Variants in ATP23 observed in about 807,000 individuals in gnomAD.
ATP23 encodes the protein ATP23 metallopeptidase and ATP synthase assembly factor homolog.
ATP23 carries 24 observed loss-of-function variants against 28.5 expected under a neutral mutation model. The ratio of observed to expected loss-of-function variants is 0.84; its 90% CI spans 0.61 to 1.18. The LOEUF (loss-of-function observed/expected upper bound fraction) is 1.18, where lower values mean the gene tolerates loss of function less well. ATP23 is among the 50% of genes most tolerant of loss of function. ATP23 has a pLI of 0.00. For synonymous variants in ATP23, 99 were observed against 108.6 expected (o/e 0.91, Z 0.55); for missense variants, 274 against 306.4 (o/e 0.89, Z 0.79).
chr12:57,945,907 C>T lies in ATP23; in HGVS notation c.233+234C>T, dbSNP rs569896491. ...GGGGATAGAGTCTCGCTCTTGTTGTCCAGGTGGGAGTGCGTTGGTGCTGTC... is the reference window on the plus strand; with the variant it reads ...GGGGATAGAGTCTCGCTCTTGTTGTTCAGGTGGGAGTGCGTTGGTGCTGTC... On this transcript the variant is annotated intron_variant, in intron 2 of 5. Transcript: ENST00000300145. 2.7e-5 allele frequency among the ~76,000 whole-genome samples: 4 copies of T among 147,798 alleles called. No homozygotes were observed. The South Asian group carries it at 8.6e-4, about 32-fold the overall frequency.
chr12:57,944,857 TA>T (rs1956744446), intron 1 of ATP23, among the ~76,000 whole-genome samples: 1 of 152,210 alleles, frequency 6.6e-6, no homozygotes, highest in Admixed American at 6.5e-5. Context: ...TGTAGTACCC[TA>T]GTCACCATCC....
intron 3 of ATP23, among the ~76,000 whole-genome samples, chr12:57,949,461 A>G (rs1182004275): frequency 6.6e-6 from 1 of 152,052 alleles, no homozygotes; most frequent in African/African-American, 2.4e-5. Flanking sequence ...CTACTTGAGC[A>G]TCTTTTTATT....
intron 1 of ATP23, among the ~76,000 whole-genome samples, chr12:57,944,949 T>C (rs961078482): frequency 2.0e-5 from 3 of 152,212 alleles, no homozygotes; most frequent in Non-Finnish European, 4.4e-5. Flanking sequence ...CGGTATGATC[T>C]GATCAGGACA....
chr12:57,953,671 A>G lies in ATP23; in HGVS notation c.519A>G (p.Gly173=), dbSNP rs752244909. The change falls in exon 5 of 6, where the codon GGA becomes GGG. Residue 173 remains glycine (G), a synonymous_variant. Coordinates refer to ENST00000300145, the MANE Select transcript of ATP23 (RefSeq NM_033276.4). ...LVNEIFRLHF[G]LKQHHQTCVR... Reference sequence around the variant, plus strand: ...ATGAAATATTCAGGTTACATTTTGGATTAAAACAACACCACCAGGTAAAAA... The same window carrying G: ...ATGAAATATTCAGGTTACATTTTGGGTTAAAACAACACCACCAGGTAAAAA... 2.7e-5 allele frequency: 44 copies of G among 1,613,996 alleles called. No homozygotes were observed. In the South Asian group the frequency reaches 4.4e-4, roughly 16 times the overall value.
At position 57,941,573 on chromosome 12, in the gene ATP23, G is replaced by C. The variant is rs1319454802; in HGVS notation, c.-129G>C. 2.3e-6 allele frequency: 3 copies of C among 1,299,434 alleles called. No homozygotes were observed. The highest frequency in any genetic ancestry group is 3.1e-6 in the Non-Finnish European group (3 of 978,278). 80.5% of individuals were successfully genotyped at this position (1,299,434 alleles called of 1,614,324 possible). On this transcript the variant is annotated 5_prime_UTR_variant, in exon 1 of 6. Coordinates refer to ENST00000300145, the MANE Select transcript of ATP23 (RefSeq NM_033276.4). The stretch of plus-strand genomic sequence containing the variant: ...CCTCCCGCCTAACGTCTTCAGCCCA[G>C]CCAGGCTGCCCTTCTTCCCTGCGGA...
Position 57,957,024 on chromosome 12 carries a change from C to T in ATP23, c.*134C>T. ...AAAACAGAGAAGACTGTGATTCTAG[C>T]ATATTATCAGAAAAAGTAACTATGG... On this transcript the variant is annotated 3_prime_UTR_variant, in exon 6 of 6. Transcript: ENST00000300145. The T allele has an allele frequency of 5.9e-6, 4 of 680,340 alleles. No individual in the cohort carries two copies. The highest frequency in any genetic ancestry group is 8.6e-6 in the Non-Finnish European group (4 of 467,602). 42.1% of individuals were successfully genotyped at this position (680,340 alleles called of 1,614,324 possible). A position where few individuals can be genotyped will look rare whatever the true frequency, so the allele number is the denominator to read the frequency against.
intron 1 of ATP23, 82 bp downstream of exon 1, chr12:57,941,970 G>T: frequency 6.5e-7 from 1 of 1,528,554 alleles, no homozygotes; most frequent in South Asian, 1.2e-5. Context: ...GGCAACACCT[G>T]GCCAGGGGCT....
At chr12:57,945,318 T>C (rs1484924632) in intron 1 of ATP23, among the ~76,000 whole-genome samples, 6 of 152,174 alleles carry the variant, frequency 3.9e-5, no homozygotes, top group African/African-American at 1.4e-4. Flanking sequence ...CTGTAATGTC[T>C]GTCTCCTGGG....
chr12:57,946,446 ATTTTT>A (rs369316315), intron 2 of ATP23, among the ~76,000 whole-genome samples: 1 of 104,032 alleles, frequency 9.6e-6, no homozygotes, highest in Admixed American at 1.0e-4. Flanking sequence ...AGTTGAACAA[ATTTTT>A]TTTTTTTTTT....
chr12:57,947,153 G>A (rs542236638), intron 3 of ATP23, 77 bp downstream of exon 3: 27 of 1,364,480 alleles, frequency 2.0e-5, no homozygotes, highest in East Asian at 1.2e-4. Context: ...CCACATGCTC[G>A]GCATTCTGTT....
At chr12:57,943,282 C>T (rs907941009) in intron 1 of ATP23, among the ~76,000 whole-genome samples, 1 of 152,110 alleles carries the variant, frequency 6.6e-6, no homozygotes, top group African/African-American at 2.4e-5. Flanking sequence ...AATGCGGATC[C>T]CTTTCCTCAG....
At chr12:57,944,800 C>T (rs549696798) in intron 1 of ATP23, among the ~76,000 whole-genome samples, 6 of 152,362 alleles carry the variant, frequency 3.9e-5, no homozygotes, top group African/African-American at 1.4e-4. Context: ...TCTTCTGTCT[C>T]CTTTCCAACC....
rs143209931 is a variant in ATP23, at chr12:57,941,986, T to C, written c.187+98T>C. The C allele has an allele frequency of 1.5e-5, 22 of 1,461,048 alleles. No individual in the cohort carries two copies. The African/African-American group carries it at 2.8e-4, about 19-fold the overall frequency. The allele number at this position is 1,461,048 out of a possible 1,614,324, so 90.5% of individuals were successfully genotyped here. ...GCAACACCTGGCCAGGGGCTTCAGG[T>C]TCAGCACAGAGTCTAGACAGACTGG... On this transcript the variant is annotated intron_variant, in intron 1 of 5. Coordinates refer to ENST00000300145, the MANE Select transcript of ATP23 (RefSeq NM_033276.4).
At chr12:57,942,509 C>T (rs1257029849) in intron 1 of ATP23, among the ~76,000 whole-genome samples, 4 of 151,838 alleles carry the variant, frequency 2.6e-5, no homozygotes, top group Non-Finnish European at 2.9e-5. Flanking sequence ...CTGCAAGCTC[C>T]GCCTACTGGG....
Position 57,941,608 on chromosome 12 carries a change from T to C in ATP23, c.-94T>C, listed in dbSNP as rs1956702234. 1 of 1,501,978 alleles carries C rather than the reference T, an allele frequency of 6.7e-7. No individual in the cohort carries two copies. The highest frequency in any genetic ancestry group is 1.3e-5 in the South Asian group (1 of 78,114). The allele number at this position is 1,501,978 out of a possible 1,614,324, so 93.0% of individuals were successfully genotyped here. A position where few individuals can be genotyped will look rare whatever the true frequency, so the allele number is the denominator to read the frequency against. On this transcript the variant is annotated 5_prime_UTR_variant, in exon 1 of 6. Transcript: ENST00000300145. Reference sequence around the variant, plus strand: ...CCTTCTTCCCTGCGGAGGGAGGGCCTGGGCGGTCGCGTTGGCGGGAGGGAG... The same window carrying C: ...CCTTCTTCCCTGCGGAGGGAGGGCCCGGGCGGTCGCGTTGGCGGGAGGGAG...
At chr12:57,951,242 A>G (rs1592277979) in intron 3 of ATP23, among the ~76,000 whole-genome samples, 2 of 152,224 alleles carry the variant, frequency 1.3e-5, no homozygotes, top group South Asian at 2.1e-4. Context: ...AAACTTGATA[A>G]GAAGTATTTT....
chr12:57,947,716 A>T (rs1956776060), intron 3 of ATP23, among the ~76,000 whole-genome samples: 1 of 152,212 alleles, frequency 6.6e-6, no homozygotes, highest in South Asian at 2.1e-4. Flanking sequence ...GAATTAAATG[A>T]GATATCTCTT....
chr12:57,957,994 C>G lies in ATP23; in HGVS notation c.*1104C>G, dbSNP rs1046337426. Reference sequence around the variant, plus strand: ...AGGTGGGTAGCCTGGGGCAAGTTTTCAAGCCTGTCTCACCCACCACCTGGA... The same window carrying G: ...AGGTGGGTAGCCTGGGGCAAGTTTTGAAGCCTGTCTCACCCACCACCTGGA... On this transcript the variant is annotated 3_prime_UTR_variant, in exon 6 of 6. Coordinates refer to ENST00000300145, the MANE Select transcript of ATP23 (RefSeq NM_033276.4). Among the ~76,000 whole-genome samples the G allele has an allele frequency of 2.0e-5, 3 of 152,182 alleles. No homozygotes were observed. The highest frequency in any genetic ancestry group is 4.4e-5 in the Non-Finnish European group (3 of 68,024).
chr12:57,947,837 T>A (rs764228923), intron 3 of ATP23, among the ~76,000 whole-genome samples: 15 of 152,212 alleles, frequency 9.9e-5, no homozygotes, highest in Non-Finnish European at 2.1e-4. Context: ...GTAGATAATG[T>A]CATGTGATCA....
Sources: gnomAD v4.1 joint callset for allele counts (sites outside exome capture counted in the v4.1 genomes callset) on GRCh38, gnomAD v4.1.1 for gene constraint, MANE v1.5 for transcripts, NCBI Gene and HGNC (gene_info 2026-07-23, HGNC 2026-07-21) for gene names.